PLS1: variants seen among roughly 807,000 people sequenced by gnomAD.
PLS1 encodes the protein plastin 1, also known as plastin-1.
PLS1 carries 32 observed loss-of-function variants against 73.7 expected under a neutral mutation model. The observed-to-expected ratio is 0.43, with a 90% CI of 0.33 to 0.58. PLS1 has a LOEUF of 0.58. Among genes scored for constraint, PLS1 ranks in the 20% least tolerant of loss-of-function variants. PLS1 has a pLI of 0.04. For synonymous variants in PLS1, 217 were observed against 261.3 expected, an observed-to-expected ratio of 0.83 and a Z score of 1.63; for missense variants, 633 against 740.5, an observed-to-expected ratio of 0.85 and a Z score of 1.68.
At chr3:142,662,177 A>G (rs2037385770) in intron 1 of PLS1, among the ~76,000 whole-genome samples, 1 of 152,242 alleles carries the variant, frequency 6.6e-6, no homozygotes, top group African/African-American at 2.4e-5. Context: ...ATGCCTATCA[A>G]TGATAGACTG....
At chr3:142,640,356 G>C (rs1005637925) in intron 1 of PLS1, among the ~76,000 whole-genome samples, 1 of 152,000 alleles carries the variant, frequency 6.6e-6, no homozygotes, top group Non-Finnish European at 1.5e-5. Context: ...TAATGCTTTC[G>C]ACAGTTTTCA....
chr3:142,644,739 T>C (rs111905734), intron 1 of PLS1, among the ~76,000 whole-genome samples: 85 of 152,312 alleles, frequency 5.6e-4, no homozygotes, highest in African/African-American at 2.0e-3. Context: ...AACTTGAGTG[T>C]CGTGATTCAT....
rs1420046642 is a variant in PLS1, at chr3:142,676,084, T to C, written c.365-73T>C. On this transcript the variant is annotated intron_variant, in intron 4 of 15. Coordinates refer to ENST00000457734, the MANE Select transcript of PLS1 (RefSeq NM_001145319.2). ...TAACAAGTATGTTTTTGTAGTGCAA[T>C]AGCTATGTATGTTTTTATAGTGCAA... The C allele has an allele frequency of 2.6e-6, 3 of 1,159,978 alleles. No homozygotes were observed. In the East Asian group the frequency reaches 7.2e-5, roughly 28 times the overall value. The allele number at this position is 1,159,978 out of a possible 1,614,324, so 71.9% of individuals were successfully genotyped here.
chr3:142,644,582 T>C (rs1440523078), intron 1 of PLS1, among the ~76,000 whole-genome samples: 1 of 152,188 alleles, frequency 6.6e-6, no homozygotes, highest in Non-Finnish European at 1.5e-5. Flanking sequence ...TAAAGTCCTC[T>C]TTTGATGCGC....
intron 1 of PLS1, among the ~76,000 whole-genome samples, chr3:142,660,762 A>G (rs1423523095): frequency 6.6e-6 from 1 of 152,238 alleles, no homozygotes; most frequent in East Asian, 1.9e-4. Context: ...CTTATTAGCT[A>G]TAAAAACAAA....
intron 1 of PLS1, among the ~76,000 whole-genome samples, chr3:142,625,266 G>A (rs1019947814): frequency 6.6e-6 from 1 of 152,110 alleles, no homozygotes; most frequent in Non-Finnish European, 1.5e-5. Context: ...TCTAAGTGCT[G>A]ATTTTAAGGC....
At chr3:142,678,438 A>G (rs1392919360) in intron 6 of PLS1, among the ~76,000 whole-genome samples, 1 of 103,350 alleles carries the variant, frequency 9.7e-6, no homozygotes, top group Non-Finnish European at 1.9e-5. Context: ...CCACCCCACA[A>G]CAGTCCCCAG....
intron 1 of PLS1, chr3:142,623,647 A>G (rs1027584261): frequency 2.6e-5 from 4 of 152,178 alleles, no homozygotes; most frequent in African/African-American, 9.6e-5. Context: ...AAATTGAGAT[A>G]AACACCCTCA....
At chr3:142,611,755 A>G (rs2036125131) in intron 1 of PLS1, among the ~76,000 whole-genome samples, 1 of 152,216 alleles carries the variant, frequency 6.6e-6, no homozygotes, top group African/African-American at 2.4e-5. Context: ...TATGATAATC[A>G]TGAATCACCA....
chr3:142,679,712 C>T (rs2037806687), intron 6 of PLS1, among the ~76,000 whole-genome samples: 4 of 151,932 alleles, frequency 2.6e-5, no homozygotes, highest in Non-Finnish European at 4.4e-5. Flanking sequence ...TAGCGTGATG[C>T]CTCCAGCTTT....
chr3:142,610,789 A>C (rs2036107784), intron 1 of PLS1, among the ~76,000 whole-genome samples: 1 of 152,182 alleles, frequency 6.6e-6, no homozygotes, highest in Admixed American at 6.5e-5. Flanking sequence ...GAGCACAACT[A>C]TCTTTACCAC....
At chr3:142,609,526 C>G (rs2036081286) in intron 1 of PLS1, among the ~76,000 whole-genome samples, 1 of 152,198 alleles carries the variant, frequency 6.6e-6, no homozygotes, top group African/African-American at 2.4e-5. Context: ...TGCTTAATAG[C>G]AAGGGCCTAG....
chr3:142,680,313 C>T (rs1312211402), intron 6 of PLS1, among the ~76,000 whole-genome samples: 1 of 152,154 alleles, frequency 6.6e-6, no homozygotes, highest in Non-Finnish European at 1.5e-5. Flanking sequence ...GATCTTCCTG[C>T]TTCAGCCTCC....
intron 4 of PLS1, among the ~76,000 whole-genome samples, chr3:142,675,195 T>A (rs1356131412): frequency 6.6e-6 from 1 of 152,216 alleles, no homozygotes; most frequent in East Asian, 1.9e-4. Flanking sequence ...TTGTTTCTTG[T>A]ATTTTTTTCC....
intron 2 of PLS1, among the ~76,000 whole-genome samples, chr3:142,668,793 G>A (rs989762186): frequency 2.0e-5 from 3 of 151,856 alleles, no homozygotes; most frequent in African/African-American, 7.3e-5. Context: ...GTAGAGATGG[G>A]GTTTCACCAT....
At chr3:142,599,478 C>T (rs539778501) in intron 1 of PLS1, among the ~76,000 whole-genome samples, 11 of 151,426 alleles carry the variant, frequency 7.3e-5, no homozygotes, top group South Asian at 2.1e-4. Context: ...TACAGGCGCC[C>T]GCCACCGCGC....
intron 1 of PLS1, among the ~76,000 whole-genome samples, chr3:142,653,364 CT>C (rs34669181): frequency 0.54 from 71,407 of 131,992 alleles, 17,976 homozygotes; most frequent in Middle Eastern, 0.59. Flanking sequence ...AGGTCAGAAA[CT>C]TTTTTTTTTT....
intron 14 of PLS1, among the ~76,000 whole-genome samples, chr3:142,706,438 C>T (rs1363766677): frequency 1.3e-5 from 2 of 152,032 alleles, no homozygotes; most frequent in Admixed American, 1.3e-4. Context: ...TAGAAGGGTC[C>T]ATCTTGAATA....
At chr3:142,656,610 G>T (rs988850760) in intron 1 of PLS1, 1 of 152,182 alleles carries the variant, frequency 6.6e-6, no homozygotes, top group South Asian at 2.1e-4. Context: ...GTTGAATAAG[G>T]AGATTGCTAG....
Sources: allele counts gnomAD v4.1 joint callset (sites outside exome capture counted in the v4.1 genomes callset), GRCh38; gene constraint gnomAD v4.1.1; transcripts MANE v1.5; gene names NCBI Gene and HGNC (gene_info 2026-07-23, HGNC 2026-07-21).